Variants in SEC11A observed in about 807,000 individuals in gnomAD.
SEC11A encodes SEC11 homolog A, signal peptidase complex subunit.
In SEC11A, 14 loss-of-function variants were observed where a neutral mutation model predicts 25.6. The ratio of observed to expected loss-of-function variants is 0.55; its 90% CI spans 0.36 to 0.85. The LOEUF is 0.85. Ranked by LOEUF, SEC11A falls within the 40% of genes least tolerant of loss-of-function variation. The probability of loss-of-function intolerance (pLI) is 0.01; values close to 1 mark genes in which losing one functional copy is unlikely to be tolerated. For missense variants in SEC11A, 153 were observed against 222.9 expected (o/e 0.69, Z 2.00); for synonymous variants, 83 against 76.4 (o/e 1.09, Z -0.45).
At chr15:84,698,502 C>T (rs1354739762) in intron 1 of SEC11A, among the ~76,000 whole-genome samples, 1 of 152,096 alleles carries the variant, frequency 6.6e-6, no homozygotes, top group Admixed American at 6.5e-5. Flanking sequence ...GTGAAATTGA[C>T]GGTGCTGAAA....
At chr15:84,678,121 T>TGA (rs148512061) in intron 4 of SEC11A, among the ~76,000 whole-genome samples, 9,055 of 152,076 alleles carry the variant, frequency 0.06, 337 homozygotes, top group African/African-American at 0.08. Flanking sequence ...CATTTGAACC[T>TGA]GAGAGGCAGA....
intron 1 of SEC11A, chr15:84,714,610 T>C (rs1016881924): frequency 2.0e-5 from 3 of 152,230 alleles, no homozygotes; most frequent in East Asian, 1.9e-4. Context: ...AGCCAGTAAG[T>C]AGCAGAGCTA....
At chr15:84,699,834 G>C (rs1361630617) in intron 1 of SEC11A, among the ~76,000 whole-genome samples, 1 of 151,956 alleles carries the variant, frequency 6.6e-6, no homozygotes, top group African/African-American at 2.4e-5. Context: ...CAAAAGCAAT[G>C]ATCAGTGCAT....
At chr15:84,706,640 G>A (rs1272941218) in intron 1 of SEC11A, among the ~76,000 whole-genome samples, 1 of 152,202 alleles carries the variant, frequency 6.6e-6, no homozygotes, top group Non-Finnish European at 1.5e-5. Context: ...ACAAAGGATA[G>A]TTATAACAGA....
chr15:84,702,348 C>A (rs192034326), intron 1 of SEC11A, among the ~76,000 whole-genome samples: 1 of 151,508 alleles, frequency 6.6e-6, no homozygotes, highest in Non-Finnish European at 1.5e-5. Flanking sequence ...GTAATCCCAG[C>A]TACTCGGGAG....
intron 1 of SEC11A, among the ~76,000 whole-genome samples, chr15:84,715,132 T>A (rs914066384): frequency 6.6e-6 from 1 of 151,904 alleles, no homozygotes; most frequent in East Asian, 1.9e-4. Flanking sequence ...GTGGCAGTTA[T>A]AAGTACAAAA....
At chr15:84,690,074 A>C (rs1489111124) in intron 2 of SEC11A, among the ~76,000 whole-genome samples, 4 of 152,102 alleles carry the variant, frequency 2.6e-5, no homozygotes, top group Non-Finnish European at 5.9e-5. Flanking sequence ...TCAAGACCAG[A>C]CTGGGCAACA....
intron 3 of SEC11A, 140 bp from the exon 4 acceptor site, chr15:84,680,972 G>T: frequency 1.5e-6 from 1 of 664,200 alleles, no homozygotes; most frequent in Non-Finnish European, 2.4e-6. Context: ...TATTTATGGA[G>T]CTACAAGAAT....
At chr15:84,692,521 A>G (rs1897640899) in intron 1 of SEC11A, among the ~76,000 whole-genome samples, 1 of 152,214 alleles carries the variant, frequency 6.6e-6, no homozygotes, top group Admixed American at 6.6e-5. Flanking sequence ...CAGTACTCCA[A>G]CAAACTCTAA....
intron 4 of SEC11A, among the ~76,000 whole-genome samples, chr15:84,679,539 T>G (rs1445477822): frequency 2.0e-5 from 3 of 152,202 alleles, no homozygotes; most frequent in African/African-American, 4.8e-5. Context: ...GTGTAATAAC[T>G]CTGTATCCAT....
chr15:84,670,403 A>T, intron 5 of SEC11A: 2 of 262,074 alleles, frequency 7.6e-6, no homozygotes, highest in South Asian at 5.6e-5. Flanking sequence ...TTCCTGGCTA[A>T]TTTTTTTGTA....
chr15:84,702,926 C>T (rs1008615751), intron 1 of SEC11A, among the ~76,000 whole-genome samples: 4 of 152,072 alleles, frequency 2.6e-5, no homozygotes, highest in Admixed American at 1.3e-4. Flanking sequence ...CCATTTTAAG[C>T]CAGTTTTAAG....
At position 84,697,101 on chromosome 15, in the gene SEC11A, A is replaced by C. The variant is rs926853875; in HGVS notation, c.52-5457T>G. On this transcript the variant is annotated intron_variant, in intron 1 of 5. Coordinates refer to ENST00000268220, the MANE Select transcript of SEC11A (RefSeq NM_014300.4). ...CATAGCAAGACCCTGTCTCTTAAAA[A>C]AAAAAAATTAATTAGCTGAGTGTGG... Among the ~76,000 whole-genome samples the C allele has an allele frequency of 2.0e-5, 3 of 152,042 alleles. No homozygotes were observed. The East Asian group carries it at 5.8e-4, about 29-fold the overall frequency.
chr15:84,683,517 G>C (rs1177566068), intron 3 of SEC11A, among the ~76,000 whole-genome samples: 2 of 151,946 alleles, frequency 1.3e-5, no homozygotes, highest in Admixed American at 1.3e-4. Flanking sequence ...CATCTACTTA[G>C]TGAAACAAAT....
intron 4 of SEC11A, among the ~76,000 whole-genome samples, chr15:84,675,773 A>G (rs997328291): frequency 2.0e-5 from 3 of 152,246 alleles, no homozygotes; most frequent in African/African-American, 7.2e-5. Flanking sequence ...GAGTTTAGAA[A>G]GAAATCACCT....
chr15:84,711,490 T>C (rs1898264579), intron 1 of SEC11A, among the ~76,000 whole-genome samples: 1 of 152,014 alleles, frequency 6.6e-6, no homozygotes, highest in Non-Finnish European at 1.5e-5. Flanking sequence ...AAGCTGGTTG[T>C]TAAACACAGT....
chr15:84,680,078 C>T lies in SEC11A; in HGVS notation c.431+635G>A, dbSNP rs1897245846. The T allele has an allele frequency of 4.5e-6, 3 of 663,962 alleles. No individual in the cohort carries two copies. The Admixed American group carries it at 7.9e-5, about 17-fold the overall frequency. 41.1% of individuals were successfully genotyped at this position (663,962 alleles called of 1,614,324 possible). A position where few individuals can be genotyped will look rare whatever the true frequency, so the allele number is the denominator to read the frequency against. Reference sequence around the variant, plus strand: ...ACATGATAAAACTAATTTGGATGAACACTTTTGAGTTATTGACTTAGTACT... The same window carrying T: ...ACATGATAAAACTAATTTGGATGAATACTTTTGAGTTATTGACTTAGTACT... On this transcript the variant is annotated intron_variant, in intron 4 of 5. Transcript: ENST00000268220.
At chr15:84,684,456 T>C (rs1897362344) in intron 3 of SEC11A, among the ~76,000 whole-genome samples, 1 of 152,028 alleles carries the variant, frequency 6.6e-6, no homozygotes, top group Non-Finnish European at 1.5e-5. Context: ...TTGTGAGGCC[T>C]CCCCAGCCAT....
intron 1 of SEC11A, among the ~76,000 whole-genome samples, chr15:84,713,698 T>C (rs1226673255): frequency 1.3e-5 from 2 of 152,244 alleles, no homozygotes; most frequent in East Asian, 1.9e-4. Flanking sequence ...TCTTTCTTCC[T>C]GTCCATTTTA....
Sources: gnomAD v4.1 joint callset for allele counts (sites outside exome capture counted in the v4.1 genomes callset) on GRCh38, gnomAD v4.1.1 for gene constraint, MANE v1.5 for transcripts, NCBI Gene and HGNC (gene_info 2026-07-23, HGNC 2026-07-21) for gene names.